Variants in PDE10A observed in about 807,000 individuals in gnomAD.
PDE10A encodes cAMP and cAMP-inhibited cGMP 3',5'-cyclic phosphodiesterase 10A.
PDE10A carries 39 observed loss-of-function variants against 97.7 expected under a neutral mutation model. The ratio of observed to expected loss-of-function variants is 0.40; its 90% confidence interval spans 0.31 to 0.52. PDE10A has a LOEUF of 0.52. PDE10A is among the 20% of genes least tolerant of loss of function. The pLI is 0.56. For synonymous variants in PDE10A, 371 were observed against 376.8 expected, an observed-to-expected ratio of 0.98 and a Z score of 0.18; for missense variants, 731 against 1,047.8, an observed-to-expected ratio of 0.70 and a Z score of 4.17.
chr6:165,578,739 T>C (rs187217843), intron 1 of PDE10A, among the ~76,000 whole-genome samples: 25 of 152,310 alleles, frequency 1.6e-4, no homozygotes, highest in African/African-American at 4.3e-4. Flanking sequence ...TTTCTACCCA[T>C]TTCTGCCTTA....
intron 1 of PDE10A, among the ~76,000 whole-genome samples, chr6:165,956,162 T>G (rs1400561452): frequency 1.4e-4 from 22 of 152,228 alleles, no homozygotes; most frequent in Non-Finnish European, 4.4e-5. Context: ...AATAGTAGCA[T>G]CTTATTTTCA....
At chr6:165,619,320 T>A (rs111210786) in intron 1 of PDE10A, among the ~76,000 whole-genome samples, 1 of 121,752 alleles carries the variant, frequency 8.2e-6, no homozygotes, top group Non-Finnish European at 1.7e-5. Flanking sequence ...TAGTCTAGTG[T>A]GGTGTAGTGT....
Position 165,331,620 on chromosome 6 carries a change from C to G in PDE10A, c.*1405G>C, listed in dbSNP as rs913326969. The G allele has an allele frequency of 2.0e-5, 3 of 152,208 alleles. No homozygotes were observed. The highest frequency in any genetic ancestry group is 6.5e-5 in the Admixed American group (1 of 15,280). 9.4% of individuals were successfully genotyped at this position (152,208 alleles called of 1,614,324 possible). A position where few individuals can be genotyped will look rare whatever the true frequency, so the allele number is the denominator to read the frequency against. Reference sequence around the variant, plus strand: ...GGCCTGTCACTTCCTGAGTGAGTCTCTGTCTAATTCAGGTTTGGAGGTTAC... The same window carrying G: ...GGCCTGTCACTTCCTGAGTGAGTCTGTGTCTAATTCAGGTTTGGAGGTTAC... On this transcript the variant is annotated 3_prime_UTR_variant, in exon 22 of 22. Transcript: ENST00000539869.
rs376799709 is a variant in PDE10A at position 165,442,879 on chromosome 6, C to A, written c.1194+6049G>T. Among the ~76,000 whole-genome samples the A allele has an allele frequency of 2.2e-4, 34 of 152,068 alleles. No homozygotes were observed. The East Asian group carries it at 6.2e-3, about 28-fold the overall frequency. On this transcript the variant is annotated intron_variant, in intron 5 of 21. Coordinates refer to ENST00000539869, the MANE Select transcript of PDE10A (RefSeq NM_001385079.1). The stretch of plus-strand genomic sequence containing the variant: ...CACGCTTGTAATGGGGAGGCTAAGG[C>A]GGGTGGATCGACTGAGGTCAGGGGT...
At chr6:165,869,927 T>C (rs2500464) in intron 1 of PDE10A, among the ~76,000 whole-genome samples, 127,925 of 152,094 alleles carry the variant, frequency 0.84, 54,477 homozygotes, top group East Asian at 1. Flanking sequence ...CTGCCTCTCA[T>C]CATATACAAA....
chr6:165,531,178 C>T (rs1002934834), intron 2 of PDE10A, among the ~76,000 whole-genome samples: 24 of 152,084 alleles, frequency 1.6e-4, no homozygotes, highest in Non-Finnish European at 1.5e-4. Context: ...ACTCATTGTA[C>T]GTTGCCCTTT....
chr6:165,539,126 G>C (rs1231215557), intron 2 of PDE10A, among the ~76,000 whole-genome samples: 1 of 152,074 alleles, frequency 6.6e-6, no homozygotes, highest in Non-Finnish European at 1.5e-5. Context: ...AGTACAACAG[G>C]TTATAAAATG....
intron 1 of PDE10A, among the ~76,000 whole-genome samples, chr6:165,638,546 G>A (rs1030629701): frequency 2.6e-5 from 4 of 152,132 alleles, no homozygotes; most frequent in African/African-American, 9.7e-5. Context: ...AATTTGCACT[G>A]GTTTTTGAGC....
chr6:165,846,664 G>C (rs1437288128), intron 1 of PDE10A, among the ~76,000 whole-genome samples: 1 of 152,198 alleles, frequency 6.6e-6, no homozygotes, highest in African/African-American at 2.4e-5. Context: ...AAGGAGAGCT[G>C]TTTCTCCTTT....
chr6:165,635,473 G>A (rs1173032405), intron 1 of PDE10A, among the ~76,000 whole-genome samples: 3 of 90,908 alleles, frequency 3.3e-5, no homozygotes, highest in Non-Finnish European at 8.3e-5. Flanking sequence ...TGGGGTGTGA[G>A]TGTGTGTGTG....
In PDE10A at chr6:165,662,066, TG is replaced by T; in HGVS notation, c.745del (p.Gln249ArgfsTer33). The T allele has an allele frequency of 2.1e-6, 3 of 1,399,638 alleles. No individual in the cohort carries two copies. The highest frequency in any genetic ancestry group is 2.5e-5 in the Admixed American group (1 of 40,214). 86.7% of individuals were successfully genotyped at this position (1,399,638 alleles called of 1,614,324 possible). On this transcript the variant is annotated frameshift_variant, in exon 1 of 22. Coordinates refer to ENST00000539869, the MANE Select transcript of PDE10A (RefSeq NM_001385079.1). LOFTEE classifies it high-confidence loss of function. The stretch of plus-strand genomic sequence containing the variant: ...GGCGGCGAGGGCGAAGCTGGCGCCC[TG>T]GGGACGCCGCGGAGTTTGGCCGCCG... The part of the protein sequence containing the change: ...GGGGQTPRRP[Q>X]GASFALAAAA...
At chr6:165,336,839 A>G (rs1399393539) in intron 20 of PDE10A, among the ~76,000 whole-genome samples, 1 of 151,572 alleles carries the variant, frequency 6.6e-6, no homozygotes, top group African/African-American at 2.4e-5. Flanking sequence ...TAGATCAGTC[A>G]GTTGATCATT....
chr6:165,424,242 C>T (rs1788948696), intron 10 of PDE10A, among the ~76,000 whole-genome samples: 1 of 152,154 alleles, frequency 6.6e-6, no homozygotes, highest in Admixed American at 6.5e-5. Flanking sequence ...TGTTATGCTC[C>T]TTAATAGGCC....
At chr6:165,438,864 G>A (rs1047415371) in intron 5 of PDE10A, among the ~76,000 whole-genome samples, 3 of 151,490 alleles carry the variant, frequency 2.0e-5, no homozygotes, top group Non-Finnish European at 4.4e-5. Flanking sequence ...AGGCCGAGGT[G>A]GGAGGATCAC....
intron 1 of PDE10A, among the ~76,000 whole-genome samples, chr6:165,850,467 G>A (rs1780545406): frequency 6.6e-6 from 1 of 152,198 alleles, no homozygotes; most frequent in Non-Finnish European, 1.5e-5. Context: ...AATAGCTGAG[G>A]AGTATATTGT....
chr6:165,526,568 C>T (rs556555590), intron 2 of PDE10A, among the ~76,000 whole-genome samples: 64 of 152,288 alleles, frequency 4.2e-4, no homozygotes, highest in African/African-American at 1.3e-3. Flanking sequence ...ACTTGAAAGA[C>T]GAGGGGTGGT....
chr6:165,540,381 A>G (rs1783358442), intron 2 of PDE10A, among the ~76,000 whole-genome samples: 1 of 152,154 alleles, frequency 6.6e-6, no homozygotes, highest in African/African-American at 2.4e-5. Flanking sequence ...GTACATATTT[A>G]TGGGGTACAG....
At chr6:165,986,271 C>T (rs1785206454) in intron 1 of PDE10A, 1 of 153,718 alleles carries the variant, frequency 6.5e-6, no homozygotes, top group Admixed American at 6.5e-5. Context: ...GCCCTCCCCC[C>T]TCGGAGAGGA....
At chr6:165,694,050 C>A (rs1791379278) in intron 1 of PDE10A, among the ~76,000 whole-genome samples, 1 of 152,184 alleles carries the variant, frequency 6.6e-6, no homozygotes, top group Non-Finnish European at 1.5e-5. Flanking sequence ...TCTCACAAAA[C>A]CACTCAACAC....
Sources: allele counts gnomAD v4.1 joint callset (sites outside exome capture counted in the v4.1 genomes callset), GRCh38; gene constraint gnomAD v4.1.1; transcripts MANE v1.5; gene names NCBI Gene and HGNC (gene_info 2026-07-23, HGNC 2026-07-21).